ELP1: variants seen among roughly 807,000 people sequenced by gnomAD.
ELP1 encodes elongator acetyltransferase complex subunit 1.
Under a neutral mutation model 183.2 loss-of-function variants are expected in ELP1, and 131 were observed. The observed-to-expected ratio is 0.72, with a 90% CI of 0.62 to 0.83. The LOEUF is 0.83. Among genes scored for constraint, ELP1 ranks in the 40% least tolerant of loss-of-function variants. The pLI is 0.00. For synonymous variants in ELP1, 555 were observed against 569.0 expected (o/e 0.98, Z 0.35); for missense variants, 1,550 against 1,594.9 (o/e 0.97, Z 0.48).
Position 108,926,618 on chromosome 9 carries a change from A to C in ELP1, c.386-15T>G. The C allele has an allele frequency of 6.2e-7, 1 of 1,604,424 alleles. No homozygotes were observed. Among genetic ancestry groups the C allele is most frequent in the Non-Finnish European group, 8.5e-7 (1 of 1,174,254 alleles). On this transcript the variant is annotated splice_polypyrimidine_tract_variant and intron_variant, in intron 4 of 36. Coordinates refer to ENST00000374647, the MANE Select transcript of ELP1 (RefSeq NM_003640.5). Reference sequence around the variant, plus strand: ...GGTCTGTTGACCTTAGAGAAACACAAACAAAAATGATTTTGTTTTCATGTA... The same window carrying C: ...GGTCTGTTGACCTTAGAGAAACACACACAAAAATGATTTTGTTTTCATGTA...
intron 16 of ELP1, among the ~76,000 whole-genome samples, chr9:108,902,381 G>A (rs773745180): frequency 1.3e-5 from 2 of 152,092 alleles, no homozygotes; most frequent in African/African-American, 4.8e-5. Context: ...TCCCAACAAA[G>A]GGAATCATTA....
intron 28 of ELP1, among the ~76,000 whole-genome samples, chr9:108,890,063 T>C (rs1828264593): frequency 6.6e-6 from 1 of 152,066 alleles, no homozygotes; most frequent in Non-Finnish European, 1.5e-5. Flanking sequence ...AAACTAGAAA[T>C]ACTCCCTCAT....
chr9:108,898,862 G>A, intron 20 of ELP1, 113 bp from the exon 21 acceptor site: 1 of 738,698 alleles, frequency 1.4e-6, no homozygotes. Flanking sequence ...CAGCCCCAAT[G>A]CCAAGCTGCT....
chr9:108,915,756 G>C (rs931034223), intron 10 of ELP1, among the ~76,000 whole-genome samples: 2 of 149,930 alleles, frequency 1.3e-5, no homozygotes, highest in African/African-American at 4.9e-5. Context: ...ATTTATATTC[G>C]TATTTTTTTC....
intron 35 of ELP1, chr9:108,875,747 T>A (rs1392271247): frequency 1.2e-5 from 5 of 422,158 alleles, no homozygotes; most frequent in South Asian, 3.5e-5. Flanking sequence ...TAGGAAAAAA[T>A]TTTAAAATTA....
intron 22 of ELP1, 100 bp from the exon 23 acceptor site, chr9:108,897,385 T>C: frequency 7.7e-7 from 1 of 1,293,514 alleles, no homozygotes; most frequent in African/African-American, 1.5e-5. Context: ...TAAATAAAAA[T>C]GACTTTTGGA....
chr9:108,868,092 A>G lies in ELP1; in HGVS notation c.*1023T>C, dbSNP rs922129728. 5 of 152,204 alleles carry G rather than the reference A, an allele frequency of 3.3e-5. No homozygotes were observed. The highest frequency in any genetic ancestry group is 7.3e-5 in the Non-Finnish European group (5 of 68,036). 9.4% of individuals were successfully genotyped at this position (152,204 alleles called of 1,614,324 possible). A position where few individuals can be genotyped will look rare whatever the true frequency, so the allele number is the denominator to read the frequency against. On this transcript the variant is annotated 3_prime_UTR_variant, in exon 37 of 37. Transcript: ENST00000374647. ...GTGGTAATGAGTGAGTTTTCACTCT[A>G]TTAGTTCCTTTGAAAGCTGGTTGTT...
At chr9:108,898,855 C>T in intron 20 of ELP1, 106 bp from the exon 21 acceptor site, 2 of 767,620 alleles carry the variant, frequency 2.6e-6, no homozygotes, top group Non-Finnish European at 4.5e-6. Flanking sequence ...CAGATTACAG[C>T]CCCAATGCCA....
At chr9:108,916,500 A>G (rs1829439789) in intron 9 of ELP1, among the ~76,000 whole-genome samples, 1 of 152,252 alleles carries the variant, frequency 6.6e-6, no homozygotes, top group African/African-American at 2.4e-5. Flanking sequence ...AAAGAAATAC[A>G]TTATGCTTAA....
intron 13 of ELP1, 81 bp downstream of exon 13, chr9:108,908,224 G>T: frequency 9.9e-7 from 1 of 1,013,440 alleles, no homozygotes; most frequent in Non-Finnish European, 1.6e-6. Flanking sequence ...AACAGGCATA[G>T]AACTGTTATC....
At chr9:108,880,660 A>G (rs1587873847) in intron 31 of ELP1, among the ~76,000 whole-genome samples, 1 of 152,356 alleles carries the variant, frequency 6.6e-6, no homozygotes, top group Non-Finnish European at 1.5e-5. Context: ...AAAAAGCAAA[A>G]TACTACTATC....
At chr9:108,909,295 G>A (rs1829125714) in intron 12 of ELP1, among the ~76,000 whole-genome samples, 1 of 152,110 alleles carries the variant, frequency 6.6e-6, no homozygotes, top group South Asian at 2.1e-4. Flanking sequence ...ACAACAAGTT[G>A]TAGACAAAGT....
chr9:108,868,537 A>G lies in ELP1; in HGVS notation c.*578T>C, dbSNP rs1827318059. ...ACACAGGCAGTAAAACAGTCCCTAT[A>G]GACATTGTAATTATAGGAGGCTCAG... is the stretch of plus-strand genomic sequence containing the variant. On this transcript the variant is annotated 3_prime_UTR_variant, in exon 37 of 37. Transcript: ENST00000374647. 1 of 432,122 alleles carries G rather than the reference A, an allele frequency of 2.3e-6. No individual in the cohort carries two copies. The highest frequency in any genetic ancestry group is 4.1e-6 in the Non-Finnish European group (1 of 246,844). The allele number at this position is 432,122 out of a possible 1,614,324, so 26.8% of individuals were successfully genotyped here. A position where few individuals can be genotyped will look rare whatever the true frequency, so the allele number is the denominator to read the frequency against.
chr9:108,870,828 T>C (rs888175590), intron 36 of ELP1, among the ~76,000 whole-genome samples: 2 of 152,190 alleles, frequency 1.3e-5, no homozygotes, highest in Admixed American at 6.5e-5. Flanking sequence ...CACTGCTTCT[T>C]TTATGTAATC....
intron 6 of ELP1, among the ~76,000 whole-genome samples, chr9:108,920,585 T>C (rs1829609530): frequency 6.6e-6 from 1 of 152,136 alleles, no homozygotes; most frequent in Non-Finnish European, 1.5e-5. Context: ...CCCAGCTAAA[T>C]GCAACCTCTT....
At chr9:108,916,396 C>T in intron 9 of ELP1, 99 bp from the exon 10 acceptor site, 1 of 933,388 alleles carries the variant, frequency 1.1e-6, no homozygotes, top group Non-Finnish European at 1.8e-6. Context: ...AATAATCCCA[C>T]TACCTGAGCT....
chr9:108,916,726 G>C (rs945568874), intron 9 of ELP1, among the ~76,000 whole-genome samples: 1 of 152,144 alleles, frequency 6.6e-6, no homozygotes. Context: ...ATATATGTAA[G>C]TATATATATG....
chr9:108,906,305 G>A lies in ELP1; in HGVS notation c.1641C>T (p.Val547=). ...AGTACAGGGAAAAACTGCAATACCT[G>A]ACATTGAGCTGTCCATGCTCTTCAT... ...EMDEEHGQLN[V]SSSAAVDGVI... The change falls in exon 14 of 37, where the codon GTC becomes GTT. Residue 547 remains valine (V), a splice_region_variant and synonymous_variant. Coordinates refer to ENST00000374647, the MANE Select transcript of ELP1 (RefSeq NM_003640.5). The A allele has an allele frequency of 5.0e-6, 8 of 1,613,814 alleles. No homozygotes were observed. The highest frequency in any genetic ancestry group is 5.9e-6 in the Non-Finnish European group (7 of 1,179,784).
In ELP1 at chr9:108,927,366, G is replaced by A; in HGVS notation, c.385+6C>T. On this transcript the variant is annotated splice_donor_region_variant and intron_variant, in intron 4 of 36. Transcript: ENST00000374647. ...AAAGCCAGTGAGGCACCAGTAACAA[G>A]CTTACCTGTGGCAAGAAGCACCAGC... The A allele has an allele frequency of 6.2e-7, 1 of 1,609,110 alleles. No individual in the cohort carries two copies. The highest frequency in any genetic ancestry group is 1.7e-5 in the Admixed American group (1 of 60,026).
Sources: gnomAD v4.1 joint callset for allele counts (sites outside exome capture counted in the v4.1 genomes callset) on GRCh38, gnomAD v4.1.1 for gene constraint, MANE v1.5 for transcripts, NCBI Gene and HGNC (gene_info 2026-07-23, HGNC 2026-07-21) for gene names.